EYS: variants seen among roughly 807,000 people sequenced by gnomAD.
EYS encodes protein eyes shut homolog.
In EYS, 250 loss-of-function variants were observed where a neutral mutation model predicts 282.1. That is an observed-to-expected ratio of 0.89 (90% confidence interval 0.80 to 0.98). The LOEUF (loss-of-function observed/expected upper bound fraction) is 0.98, where lower values mean the gene tolerates loss of function less well. Among genes scored for constraint, EYS ranks in the 50% least tolerant of loss-of-function variants. The pLI, the probability that EYS is intolerant of heterozygous loss-of-function variation, is 0.00. For missense variants in EYS, 4,016 were observed against 3,709.0 expected (o/e 1.08, Z -2.15); for synonymous variants, 1,355 against 1,282.9 (o/e 1.06, Z -1.20).
intron 12 of EYS, among the ~76,000 whole-genome samples, chr6:65,241,170 GTCT>G (rs1307961810): frequency 1.3e-5 from 2 of 152,012 alleles, no homozygotes; most frequent in Admixed American, 1.3e-4. Context: ...CACTGATTCA[GTCT>G]TCTTCCTTTC....
intron 31 of EYS, among the ~76,000 whole-genome samples, chr6:64,174,440 G>A (rs1026837281): frequency 1.3e-5 from 2 of 151,780 alleles, no homozygotes; most frequent in African/African-American, 4.8e-5. Flanking sequence ...TAAATTGCAA[G>A]ATGTAATGTT....
chr6:63,936,435 C>G (rs958603200), intron 35 of EYS, among the ~76,000 whole-genome samples: 3 of 152,176 alleles, frequency 2.0e-5, no homozygotes, highest in Admixed American at 2.0e-4. Context: ...GTGTTCTACT[C>G]TTTATATGCA....
intron 26 of EYS, among the ~76,000 whole-genome samples, chr6:64,523,053 T>A (rs115214252): frequency 0.051 from 7,811 of 151,732 alleles, 673 homozygotes; most frequent in African/African-American, 0.18. Flanking sequence ...TGAGCTGTTT[T>A]TTTTTTCCCC....
At chr6:63,883,032 C>G (rs1291562217) in intron 35 of EYS, among the ~76,000 whole-genome samples, 1 of 152,164 alleles carries the variant, frequency 6.6e-6, no homozygotes, top group Non-Finnish European at 1.5e-5. Flanking sequence ...GAAGGCAATA[C>G]TCTACAAAAA....
intron 30 of EYS, among the ~76,000 whole-genome samples, chr6:64,279,236 A>G (rs1768219355): frequency 6.6e-6 from 1 of 152,220 alleles, no homozygotes. Flanking sequence ...AGATGATTTT[A>G]TGAAAAAGCC....
chr6:65,224,834 G>GA (rs1766577818), intron 12 of EYS, among the ~76,000 whole-genome samples: 1 of 151,970 alleles, frequency 6.6e-6, no homozygotes, highest in Admixed American at 6.6e-5. Flanking sequence ...ACAAATTCTT[G>GA]AAAAAATACA....
intron 35 of EYS, among the ~76,000 whole-genome samples, chr6:63,965,381 C>T (rs910948025): frequency 7.2e-5 from 11 of 152,196 alleles, no homozygotes; most frequent in Non-Finnish European, 1.5e-4. Context: ...TGCTTTCTCA[C>T]ACTAATAGGT....
At chr6:64,723,364 G>A (rs1221455022) in intron 22 of EYS, among the ~76,000 whole-genome samples, 1 of 152,170 alleles carries the variant, frequency 6.6e-6, no homozygotes, top group Admixed American at 6.5e-5. Context: ...TTTTTGTAAA[G>A]GACAGAGTTC....
intron 31 of EYS, among the ~76,000 whole-genome samples, chr6:64,171,266 C>T (rs777430842): frequency 1.6e-4 from 24 of 152,146 alleles, no homozygotes; most frequent in Non-Finnish European, 2.4e-4. Flanking sequence ...CATCTATATA[C>T]GGAAAGTAAG....
chr6:65,189,115 G>A (rs916864163), intron 12 of EYS, among the ~76,000 whole-genome samples: 3 of 151,426 alleles, frequency 2.0e-5, no homozygotes, highest in African/African-American at 7.3e-5. Flanking sequence ...AATATAGCAT[G>A]TGCTTAAGAG....
chr6:65,571,202 G>A (rs1764466930), intron 2 of EYS, among the ~76,000 whole-genome samples: 1 of 151,862 alleles, frequency 6.6e-6, no homozygotes, highest in South Asian at 2.1e-4. Flanking sequence ...AAAAGACAGG[G>A]CAATCAACTC....
intron 19 of EYS, among the ~76,000 whole-genome samples, chr6:64,856,562 G>T (rs1487062574): frequency 2.0e-5 from 3 of 152,144 alleles, no homozygotes; most frequent in Non-Finnish European, 4.4e-5. Flanking sequence ...ACTTCCCAAA[G>T]TGCTGGGATT....
rs745953673 is a variant in EYS, at chr6:65,231,211, C to T, written c.2023+64652G>A. The stretch of plus-strand genomic sequence containing the variant: ...AGAAAATATATATATATTTTCTTTT[C>T]AGACATATATATCTGAATTTCTGTT... On this transcript the variant is annotated intron_variant, in intron 12 of 42. Coordinates refer to ENST00000503581, the MANE Select transcript of EYS (RefSeq NM_001142800.2). 8.0e-4 allele frequency among the ~76,000 whole-genome samples: 111 copies of T among 139,528 alleles called. 1 individual carries two copies. The highest frequency in any genetic ancestry group is 2.8e-3 in the African/African-American group (107 of 38,344). The allele number at this position is 139,528 out of a possible 152,430, so 91.5% of individuals were successfully genotyped here.
intron 19 of EYS, among the ~76,000 whole-genome samples, chr6:64,854,191 GT>G (rs1486012938): frequency 6.6e-6 from 1 of 152,108 alleles, no homozygotes; most frequent in African/African-American, 2.4e-5. Flanking sequence ...AGTCAGTGTG[GT>G]GATTCCTCAA....
intron 12 of EYS, among the ~76,000 whole-genome samples, chr6:65,135,622 A>AC (rs1198188240): frequency 2.0e-5 from 3 of 152,026 alleles, no homozygotes; most frequent in African/African-American, 7.2e-5. Flanking sequence ...AAGTCTGTTA[A>AC]ATATCACTTC....
Position 64,680,056 on chromosome 6 carries a change from G to T in EYS, c.3444-53811C>A, listed in dbSNP as rs913878302. Among the ~76,000 whole-genome samples the T allele has an allele frequency of 3.3e-5, 5 of 151,742 alleles. No homozygotes were observed. The South Asian group carries it at 1.0e-3, about 32-fold the overall frequency. ...AATTCTTTTTTTGCATTAAAATAAA[G>T]GAATTATTTTTTAAACCTAGATGAT... On this transcript the variant is annotated intron_variant, in intron 22 of 42. Coordinates refer to ENST00000503581, the MANE Select transcript of EYS (RefSeq NM_001142800.2).
chr6:65,666,491 T>A (rs147202921), intron 1 of EYS, among the ~76,000 whole-genome samples: 1,716 of 151,948 alleles, frequency 0.011, 10 homozygotes, highest in Non-Finnish European at 0.016. Context: ...AAATTACTAA[T>A]TACTGTAGTA....
At chr6:64,840,838 ATACT>A (rs1266925296) in intron 19 of EYS, among the ~76,000 whole-genome samples, 1 of 152,120 alleles carries the variant, frequency 6.6e-6, no homozygotes, top group Non-Finnish European at 1.5e-5. Flanking sequence ...CAGCACACAC[ATACT>A]TAAATTTAAT....
rs987302781 is a variant in EYS, at chr6:65,146,845, T to C, written c.2024-89118A>G. The stretch of plus-strand genomic sequence containing the variant: ...TTCCATTTATCAGTTTAATTTTTAT[T>C]AATTCCCTAATATGAATGATTCAAA... On this transcript the variant is annotated intron_variant, in intron 12 of 42. Coordinates refer to ENST00000503581, the MANE Select transcript of EYS (RefSeq NM_001142800.2). 1.8e-4 allele frequency among the ~76,000 whole-genome samples: 27 copies of C among 151,984 alleles called. 1 individual carries two copies.
Sources: allele counts gnomAD v4.1 joint callset (sites outside exome capture counted in the v4.1 genomes callset), GRCh38; gene constraint gnomAD v4.1.1; transcripts MANE v1.5; gene names NCBI Gene and HGNC (gene_info 2026-07-23, HGNC 2026-07-21).